REXO5: variants seen among roughly 807,000 people sequenced by gnomAD.
REXO5 encodes the protein exonuclease NEF-sp.
REXO5 carries 48 observed loss-of-function variants against 88.5 expected under a neutral mutation model. That is an observed-to-expected ratio of 0.54 (90% CI 0.43 to 0.69). The LOEUF (loss-of-function observed/expected upper bound fraction) is 0.69, where lower values mean the gene tolerates loss of function less well. Among genes scored for constraint, REXO5 ranks in the 30% least tolerant of loss-of-function variants. REXO5 has a pLI of 0.00. For missense variants in REXO5, 749 were observed against 912.2 expected (o/e 0.82, Z 2.30); for synonymous variants, 311 against 336.5 (o/e 0.92, Z 0.83).
intron 2 of REXO5, chr16:20,808,728 C>T (rs144694504): frequency 1.3e-5 from 2 of 150,634 alleles, no homozygotes; most frequent in African/African-American, 2.4e-5. Flanking sequence ...TCAGTTCCAC[C>T]AATTAGATGG....
At chr16:20,808,047 A>G (rs1287191562) in intron 2 of REXO5, among the ~76,000 whole-genome samples, 1 of 152,134 alleles carries the variant, frequency 6.6e-6, no homozygotes, top group East Asian at 1.9e-4. Flanking sequence ...TGCCAAACCT[A>G]TTGTGAGCCC....
chr16:20,845,935 C>G (rs1224590300), intron 18 of REXO5, among the ~76,000 whole-genome samples: 1 of 152,114 alleles, frequency 6.6e-6, no homozygotes, highest in Non-Finnish European at 1.5e-5. Context: ...CCAGACTAGA[C>G]CCCTCATCAG....
intron 13 of REXO5, among the ~76,000 whole-genome samples, chr16:20,835,573 G>A (rs898805956): frequency 9.2e-5 from 14 of 151,618 alleles, no homozygotes; most frequent in South Asian, 2.1e-4. Context: ...TAGATCTATC[G>A]GTTTCCTATC....
chr16:20,842,543 CAACT>C (rs1471121888), intron 15 of REXO5, among the ~76,000 whole-genome samples: 2 of 149,668 alleles, frequency 1.3e-5, no homozygotes, highest in African/African-American at 4.9e-5. Context: ...GGCGTGATCA[CAACT>C]AACTACAGCC....
chr16:20,830,847 G>C (rs1357405655), intron 11 of REXO5, among the ~76,000 whole-genome samples: 8 of 152,014 alleles, frequency 5.3e-5, no homozygotes, highest in African/African-American at 1.9e-4. Flanking sequence ...CACTTTTATA[G>C]TGTGCACCTG....
chr16:20,822,042 A>G (rs1307945346), intron 6 of REXO5, 140 bp downstream of exon 6: 12 of 860,050 alleles, frequency 1.4e-5, no homozygotes, highest in Admixed American at 7.1e-5. Context: ...ATGAGGAAAT[A>G]TCTTCGGCAC....
chr16:20,840,635 C>G (rs1387720981), intron 15 of REXO5, among the ~76,000 whole-genome samples, 167 bp downstream of exon 15: 1 of 152,110 alleles, frequency 6.6e-6, no homozygotes, highest in African/African-American at 2.4e-5. Context: ...AGAATGTATA[C>G]CCAGTATTGT....
intron 2 of REXO5, among the ~76,000 whole-genome samples, chr16:20,811,074 C>T (rs1181509578): frequency 6.6e-6 from 1 of 152,160 alleles, no homozygotes; most frequent in African/African-American, 2.4e-5. Flanking sequence ...CCTTGTGCTG[C>T]TGAGGCTTTG....
intron 3 of REXO5, among the ~76,000 whole-genome samples, chr16:20,813,512 C>G (rs62033350): frequency 2.5e-4 from 38 of 152,150 alleles, no homozygotes; most frequent in Non-Finnish European, 5.4e-4. Flanking sequence ...ACATTTTCTT[C>G]TTCCAAAAAC....
intron 5 of REXO5, among the ~76,000 whole-genome samples, chr16:20,817,046 G>A (rs1027106127): frequency 1.3e-5 from 2 of 152,146 alleles, no homozygotes; most frequent in Non-Finnish European, 2.9e-5. Context: ...AGTAGTATAG[G>A]ACTTATCAGA....
intron 13 of REXO5, among the ~76,000 whole-genome samples, chr16:20,836,181 A>C (rs1004283185): frequency 6.6e-6 from 1 of 152,222 alleles, no homozygotes; most frequent in Non-Finnish European, 1.5e-5. Flanking sequence ...ACCAAAGTCC[A>C]TAGTTTACGT....
intron 5 of REXO5, among the ~76,000 whole-genome samples, chr16:20,821,310 G>A (rs752389417): frequency 2.9e-4 from 44 of 151,844 alleles, no homozygotes; most frequent in African/African-American, 1.0e-3. Context: ...GTTTTGAGAC[G>A]GAGTCTCGCT....
At position 20,827,467 on chromosome 16, in the gene REXO5, G is replaced by A. The variant is rs754960536; in HGVS notation, c.1055+20G>A. 2.6e-6 allele frequency: 4 copies of A among 1,560,990 alleles called. No individual in the cohort carries two copies. Among genetic ancestry groups the A allele is most frequent in the Non-Finnish European group, 8.8e-7 (1 of 1,133,272 alleles). The stretch of plus-strand genomic sequence containing the variant: ...TTTGGGGTAGGTTTGCTTATATGCT[G>A]TAATATTGTTCTGACAAACTGCATA... On this transcript the variant is annotated intron_variant, in intron 10 of 19. Coordinates refer to ENST00000261377, the MANE Select transcript of REXO5 (RefSeq NM_030941.3).
chr16:20,828,372 ATGG>A (rs1284097335), intron 10 of REXO5, 60 bp from the exon 11 acceptor site: 1 of 954,336 alleles, frequency 1.0e-6, no homozygotes, highest in African/African-American at 1.6e-5. Flanking sequence ...AACACTTGAG[ATGG>A]TTGAAAAAGC....
At chr16:20,833,519 A>G (rs2081378758) in intron 13 of REXO5, among the ~76,000 whole-genome samples, 1 of 152,190 alleles carries the variant, frequency 6.6e-6, no homozygotes, top group Non-Finnish European at 1.5e-5. Context: ...TATCATATTC[A>G]GAAGATCTGT....
chr16:20,824,494 C>G lies in REXO5; in HGVS notation c.672C>G (p.Asp224Glu), dbSNP rs1292425197. 1 of 1,611,164 alleles carries G rather than the reference C, an allele frequency of 6.2e-7. No homozygotes were observed. Among genetic ancestry groups the G allele is most frequent in the Admixed American group, 1.7e-5 (1 of 59,842 alleles). Residue 224 changes from aspartate (D) to glutamate (E), a missense_variant, in exon 7 of 20, where the codon GAC becomes GAG. Coordinates refer to ENST00000261377, the MANE Select transcript of REXO5 (RefSeq NM_030941.3). ...CCAAATGTAATGGTTCTATAGCAGA[C>G]AATAGTCCTCTCTTTGGACTTGACT... ...LLTKCNGSIA[D>E]NSPLFGLDCE... is the part of the protein sequence containing the mutation.
chr16:20,830,022 CA>C (rs200285825), intron 11 of REXO5, among the ~76,000 whole-genome samples: 1 of 152,108 alleles, frequency 6.6e-6, no homozygotes, highest in Non-Finnish European at 1.5e-5. Flanking sequence ...TATTTATTTA[CA>C]AAAAAATATG....
chr16:20,823,185 G>C (rs913300723), intron 6 of REXO5, among the ~76,000 whole-genome samples: 1 of 152,182 alleles, frequency 6.6e-6, no homozygotes, highest in African/African-American at 2.4e-5. Context: ...TATAGCTTCA[G>C]AGAACTGTCT....
chr16:20,825,719 A>G, intron 7 of REXO5, 114 bp from the exon 8 acceptor site: 1 of 701,318 alleles, frequency 1.4e-6, no homozygotes, highest in Non-Finnish European at 2.4e-6. Context: ...AGTTTGTGCC[A>G]TTGCTGCAGG....
Sources: gnomAD v4.1 joint callset for allele counts (sites outside exome capture counted in the v4.1 genomes callset) on GRCh38, gnomAD v4.1.1 for gene constraint, MANE v1.5 for transcripts, NCBI Gene and HGNC (gene_info 2026-07-23, HGNC 2026-07-21) for gene names.